MED16: variants seen among roughly 807,000 people sequenced by gnomAD.
The protein encoded by MED16 is mediator of RNA polymerase II transcription subunit 16.
Under a neutral mutation model 84.4 loss-of-function variants are expected in MED16, and 81 were observed. That is an observed-to-expected ratio of 0.96 (90% CI 0.80 to 1.15). MED16 has a LOEUF of 1.15. MED16 is among the 50% of genes most tolerant of loss of function. MED16 has a pLI of 0.00. For synonymous variants in MED16, 897 were observed against 552.2 expected (o/e 1.62, Z -8.76); for missense variants, 1,585 against 1,245.9 (o/e 1.27, Z -4.10).
At chr19:888,712 G>A (rs112009126) in intron 4 of MED16, among the ~76,000 whole-genome samples, 3 of 152,246 alleles carry the variant, frequency 2.0e-5, no homozygotes, top group African/African-American at 7.2e-5. Flanking sequence ...AACGGGGACC[G>A]CAGGGTGGGG....
chr19:868,505 G>A lies in MED16; in HGVS notation c.2400-6C>T. 6.2e-7 allele frequency: 1 copy of A among 1,609,374 alleles called. No individual in the cohort carries two copies. On this transcript the variant is annotated splice_polypyrimidine_tract_variant and splice_region_variant and intron_variant, in intron 14 of 15. Transcript: ENST00000325464. ...GCATGGTGACACAGCCGCACCTGCG[G>A]GGAGGCAGGCACTGAGCGGGTTCCC...
chr19:868,605 AC>A (rs2035972633), intron 14 of MED16, 106 bp from the exon 15 acceptor site: 2 of 1,445,576 alleles, frequency 1.4e-6, no homozygotes, highest in Admixed American at 2.2e-5. Context: ...GCCGTCCCTC[AC>A]GCCTGCTCCC....
chr19:872,829 G>A (rs1033849333), intron 11 of MED16: 6 of 405,234 alleles, frequency 1.5e-5, no homozygotes, highest in African/African-American at 8.7e-5. Context: ...CTTCGTGTAG[G>A]GGTGGGGCTG....
intron 5 of MED16, among the ~76,000 whole-genome samples, chr19:885,422 C>T (rs1599340500): frequency 3.3e-5 from 5 of 152,030 alleles, no homozygotes; most frequent in Admixed American, 1.3e-4. Context: ...GGGTGGGATT[C>T]GGTTCGGGAC....
chr19:868,653 T>A (rs558198820), intron 14 of MED16, among the ~76,000 whole-genome samples, 154 bp from the exon 15 acceptor site: 3 of 152,022 alleles, frequency 2.0e-5, no homozygotes, highest in African/African-American at 7.2e-5. Flanking sequence ...TGCCCATGCT[T>A]CTCCTCCCCC....
chr19:868,811 G>A (rs2035977720), intron 14 of MED16, 52 bp downstream of exon 14: 2 of 1,518,636 alleles, frequency 1.3e-6, no homozygotes. Context: ...AATCAGCTGA[G>A]CCATCCCCAG....
rs752115843 is a variant in MED16, at chr19:885,939, G to C, written c.710C>G (p.Ser237Trp). 6.2e-7 allele frequency: 1 copy of C among 1,612,934 alleles called. No homozygotes were observed. Among genetic ancestry groups the C allele is most frequent in the Admixed American group, 1.7e-5 (1 of 60,012 alleles). The change falls in exon 5 of 16, where the codon TCG becomes TGG. Residue 237 changes from serine (S) to tryptophan (W), a missense_variant. Physicochemically the swap from Ser to Trp is radical, Grantham distance 177 (BLOSUM62 -3). Transcript: ENST00000325464. ...GCACACCTTGTAGAACTGCACGGGC[G>C]ACGCGCTGCTGCCGTCCGCCGTGGC... is the stretch of plus-strand genomic sequence containing the variant. ...VVATADGSSA[S>W]PVQFYKVCVS...
chr19:890,318 T>G, intron 2 of MED16, 74 bp from the exon 3 acceptor site: 2 of 1,092,172 alleles, frequency 1.8e-6, no homozygotes, highest in South Asian at 1.6e-5. Context: ...CCAGGCAGGC[T>G]CCAGGTAAGC....
At chr19:889,906 G>C in intron 3 of MED16, 99 bp from the exon 4 acceptor site, 1 of 1,412,216 alleles carries the variant, frequency 7.1e-7, no homozygotes, top group Non-Finnish European at 9.5e-7. Flanking sequence ...CCAGTGGAGA[G>C]GTCTCGGCCC....
chr19:891,305 AG>A (rs2145260900), intron 1 of MED16, among the ~76,000 whole-genome samples, 156 bp from the exon 2 acceptor site: 1 of 152,246 alleles, frequency 6.6e-6, no homozygotes. Context: ...GCTGGGGCCG[AG>A]GGGGAACATG....
intron 4 of MED16, among the ~76,000 whole-genome samples, chr19:887,824 G>C (rs2930903): frequency 0.44 from 66,021 of 151,672 alleles, 14,851 homozygotes; most frequent in East Asian, 0.6. Context: ...GGCAGATCCA[G>C]AGAGACAACT....
intron 15 of MED16, 80 bp from the exon 16 acceptor site, chr19:868,331 C>CAGCTAAGGGGT: frequency 6.5e-7 from 1 of 1,539,026 alleles, no homozygotes; most frequent in East Asian, 2.4e-5. Flanking sequence ...GGCTCAGGGG[C>CAGCTAAGGGGT]AGCTGAGGGG....
chr19:890,496 C>A (rs900516895), intron 2 of MED16: 3 of 438,536 alleles, frequency 6.8e-6, no homozygotes, highest in Non-Finnish European at 1.2e-5. Flanking sequence ...ACAGTGGGAG[C>A]CTCTCCACAG....
At chr19:879,427 A>ATG (rs2036358091) in intron 8 of MED16, among the ~76,000 whole-genome samples, 85 of 13,356 alleles carry the variant, frequency 6.4e-3, no homozygotes, top group Admixed American at 0.01. Flanking sequence ...ATGCCCACCA[A>ATG]CCCCAGCCCC....
chr19:890,872 C>T (rs904528467), intron 2 of MED16, 91 bp downstream of exon 2: 17 of 1,386,314 alleles, frequency 1.2e-5, no homozygotes, highest in African/African-American at 8.7e-5. Flanking sequence ...CCTGAGAGAC[C>T]GAGTCCCTTC....
intron 5 of MED16, 90 bp from the exon 6 acceptor site, chr19:885,098 C>G (rs184609942): frequency 1.0e-6 from 1 of 977,184 alleles, no homozygotes; most frequent in East Asian, 2.6e-5. Context: ...CCTGGGGCCA[C>G]GCACTGCTGG....
chr19:885,269 A>G (rs1415582991), intron 5 of MED16, among the ~76,000 whole-genome samples: 1 of 152,140 alleles, frequency 6.6e-6, no homozygotes, highest in East Asian at 1.9e-4. Flanking sequence ...AGGGGCTTCA[A>G]GGAGTTTGGG....
In MED16 at chr19:871,977, G is replaced by C. The variant is rs200263136; in HGVS notation, c.2047C>G (p.Gln683Glu). Residue 683 changes from glutamine (Q) to glutamate (E), a missense_variant, in exon 12 of 16, where the codon CAG (glutamine) becomes GAG (glutamate). Coordinates refer to ENST00000325464, the MANE Select transcript of MED16 (RefSeq NM_005481.3). Reference protein sequence around the residue: ...LPVYTATSDTQDSMSLLFRLL... With the variant: ...LPVYTATSDTEDSMSLLFRLL... ...CGGAAGAGCAGGGACATGCTGTCCT[G>C]GGTATCCGAGGTGGCCGTATACACG... The C allele has an allele frequency of 3.7e-6, 6 of 1,607,898 alleles. No homozygotes were observed. Among genetic ancestry groups the C allele is most frequent in the African/African-American group, 1.4e-5 (1 of 73,714 alleles).
intron 8 of MED16, 118 bp from the exon 9 acceptor site, chr19:877,298 G>C (rs896959557): frequency 4.7e-6 from 4 of 843,098 alleles, no homozygotes; most frequent in Non-Finnish European, 5.5e-6. Context: ...GCACGCCCGT[G>C]TGTGGGCCTG....
Sources: allele counts gnomAD v4.1 joint callset (sites outside exome capture counted in the v4.1 genomes callset), GRCh38; gene constraint gnomAD v4.1.1; transcripts MANE v1.5; gene names NCBI Gene and HGNC (gene_info 2026-07-23, HGNC 2026-07-21).